SERPINC1: variants seen among roughly 807,000 people sequenced by gnomAD.
The protein encoded by SERPINC1 is serpin family C member 1, also known as antithrombin-III.
Under a neutral mutation model 43.4 loss-of-function variants are expected in SERPINC1, and 12 were observed. That is an observed-to-expected ratio of 0.28 (90% confidence interval 0.18 to 0.45). SERPINC1 has a LOEUF of 0.45. SERPINC1 is among the 20% of genes least tolerant of loss of function. SERPINC1 has a pLI of 1.00. For synonymous variants in SERPINC1, 210 were observed against 218.9 expected (o/e 0.96, Z 0.36); for missense variants, 423 against 578.8 (o/e 0.73, Z 2.76).
intron 6 of SERPINC1, among the ~76,000 whole-genome samples, chr1:173,906,267 G>A (rs1657506505): frequency 6.6e-6 from 1 of 152,210 alleles, no homozygotes; most frequent in Non-Finnish European, 1.5e-5. Flanking sequence ...ATAGTTTAGT[G>A]TTTACTTGAG....
chr1:173,915,330 C>A, intron 1 of SERPINC1: 1 of 298,830 alleles, frequency 3.3e-6, no homozygotes. Context: ...CTGATAGATG[C>A]AGCAGAGAGA....
chr1:173,915,031 G>A, intron 1 of SERPINC1, 112 bp from the exon 2 acceptor site: 1 of 1,537,292 alleles, frequency 6.5e-7, no homozygotes. Flanking sequence ...GTGTGGCCAA[G>A]AGAAAGGCTA....
rs533624461 is a variant in SERPINC1, at chr1:173,905,428, TATCTC to T, written c.1219-1368_1219-1364del. Among the ~76,000 whole-genome samples, 67 of 152,034 alleles carry T rather than the reference TATCTC, an allele frequency of 4.4e-4. 1 individual carries two copies. The highest frequency in any genetic ancestry group is 1.5e-3 in the African/African-American group (64 of 41,342). On this transcript the variant is annotated intron_variant, in intron 6 of 6. Transcript: ENST00000367698. ...CTGCTATCATTTGAGGCAATTAAAA[TATCTC>T]AGTAGGCCGGGCACGGTGGCTCATG... is the stretch of plus-strand genomic sequence containing the variant.
chr1:173,915,814 AACTCCT>A (rs1657965285), intron 1 of SERPINC1, among the ~76,000 whole-genome samples: 1 of 152,200 alleles, frequency 6.6e-6, no homozygotes, highest in African/African-American at 2.4e-5. Flanking sequence ...TTCCACCAGG[AACTCCT>A]ACAAGTTCTT....
chr1:173,910,349 T>C (rs1228564590), intron 4 of SERPINC1, among the ~76,000 whole-genome samples: 3 of 151,848 alleles, frequency 2.0e-5, no homozygotes, highest in South Asian at 2.1e-4. Context: ...GAGGCCGAGG[T>C]GGGCAGATCA....
intron 2 of SERPINC1, among the ~76,000 whole-genome samples, chr1:173,912,442 T>A (rs1418056604): frequency 1.3e-5 from 2 of 151,424 alleles, no homozygotes; most frequent in Non-Finnish European, 2.9e-5. Context: ...AAAGGAAGAG[T>A]GAATCTATCA....
In SERPINC1 at chr1:173,909,597, T is replaced by C. The variant is rs1205385856; in HGVS notation, c.1108A>G (p.Met370Val). Residue 370 changes from methionine to valine, a missense_variant, in exon 5 of 7, where the codon ATG (methionine) becomes GTG (valine). Physicochemically the swap from Met to Val is conservative, Grantham distance 21. Coordinates refer to ENST00000367698, the MANE Select transcript of SERPINC1 (RefSeq NM_000488.4). ...GGGCTGAACAGATCGACAAGGCCCA[T>C]GTCTTGCAGCTGCTCCTTCAAACTG... ...GFSLKEQLQD[M>V]GLVDLFSPEK... is the part of the protein sequence containing the mutation. The C allele has an allele frequency of 6.2e-7, 1 of 1,614,084 alleles. No homozygotes were observed. The highest frequency in any genetic ancestry group is 2.2e-5 in the East Asian group (1 of 44,888).
intron 1 of SERPINC1, among the ~76,000 whole-genome samples, chr1:173,916,661 C>CAGTT (rs1030300472): frequency 1.5e-4 from 23 of 152,336 alleles, no homozygotes; most frequent in African/African-American, 5.0e-4. Context: ...AAAACCAAGA[C>CAGTT]AGTTGTGCCA....
chr1:173,913,328 C>T (rs1657849274), intron 2 of SERPINC1, among the ~76,000 whole-genome samples: 1 of 152,170 alleles, frequency 6.6e-6, no homozygotes, highest in Non-Finnish European at 1.5e-5. Flanking sequence ...GACATTTCAT[C>T]TTATCATGCC....
At chr1:173,912,385 G>A (rs1254677217) in intron 2 of SERPINC1, among the ~76,000 whole-genome samples, 4 of 152,152 alleles carry the variant, frequency 2.6e-5, no homozygotes, top group Non-Finnish European at 4.4e-5. Flanking sequence ...GCATCTACTG[G>A]GGCCAGCTGC....
chr1:173,915,540 G>A (rs1049919494), intron 1 of SERPINC1, among the ~76,000 whole-genome samples: 14 of 152,112 alleles, frequency 9.2e-5, no homozygotes, highest in African/African-American at 3.1e-4. Context: ...GCTGGGTGTG[G>A]TGGCGCACAC....
At chr1:173,916,933 T>C (rs374112876) in intron 1 of SERPINC1, among the ~76,000 whole-genome samples, 1 of 152,188 alleles carries the variant, frequency 6.6e-6, no homozygotes, top group Non-Finnish European at 1.5e-5. Context: ...GAGCGTCCCC[T>C]GGATCCCGTG....
rs373637084 is a variant in SERPINC1 at position 173,913,638 on chromosome 1, C to T, written c.408+915G>A. On this transcript the variant is annotated intron_variant, in intron 2 of 6. Transcript: ENST00000367698. Reference sequence around the variant, plus strand: ...TTGGGAGGCCAAGGCAGGTGGATCACGAGGTCAGGAGTTCAAGACTAGCCT... The same window carrying T: ...TTGGGAGGCCAAGGCAGGTGGATCATGAGGTCAGGAGTTCAAGACTAGCCT... Among the ~76,000 whole-genome samples, 15 of 152,176 alleles carry T rather than the reference C, an allele frequency of 9.9e-5. No homozygotes were observed. The East Asian group carries it at 1.9e-3, about 20-fold the overall frequency.
chr1:173,908,266 G>A (rs1400482204), intron 5 of SERPINC1, among the ~76,000 whole-genome samples: 1 of 151,796 alleles, frequency 6.6e-6, no homozygotes, highest in African/African-American at 2.4e-5. Context: ...AAGGCAGGTA[G>A]ATCGCCTGAG....
Position 173,907,497 on chromosome 1 carries a change from G to A in SERPINC1, c.1171C>T (p.Arg391Ter). ...SKLPGIVAEG[R>*]DDLYVSDAFH... ...GCATCTGAGACATAGAGGTCATCTC[G>A]GCCTTCTGCAACAATACCTGGAAGG... The change falls in exon 6 of 7, where the codon CGA becomes TGA. Residue 391 changes from arginine (R) to a stop codon, truncating the protein, a stop_gained. Transcript: ENST00000367698. LOFTEE classifies it high-confidence loss of function. The A allele has an allele frequency of 1.2e-6, 2 of 1,613,860 alleles. No individual in the cohort carries two copies. Among genetic ancestry groups the A allele is most frequent in the Non-Finnish European group, 1.7e-6 (2 of 1,179,816 alleles).
chr1:173,903,991 C>A lies in SERPINC1; in HGVS notation c.1293G>T (p.Arg431Ser). Residue 431 changes from arginine to serine, a missense_variant, in exon 7 of 7, where the codon AGG becomes AGT. By Grantham distance (110) the Arg-to-Ser change is moderately radical (BLOSUM62 -1). Coordinates refer to ENST00000367698, the MANE Select transcript of SERPINC1 (RefSeq NM_000488.4). ...AAGGCCTGTTGGCCTTGAAAGTCAC[C>A]CTGTTGGGGTTTAGCGAACGGCCAG... ...VIAGRSLNPN[R>S]VTFKANRPFL... is the part of the protein sequence containing the mutation. 6.2e-7 allele frequency: 1 copy of A among 1,614,112 alleles called. No individual in the cohort carries two copies.
chr1:173,915,054 C>G, intron 1 of SERPINC1, 135 bp from the exon 2 acceptor site: 2 of 1,527,468 alleles, frequency 1.3e-6, no homozygotes, highest in Non-Finnish European at 1.7e-6. Context: ...TCCTTTGAAC[C>G]AAGTACAGGG....
At chr1:173,913,232 G>A (rs969793807) in intron 2 of SERPINC1, among the ~76,000 whole-genome samples, 1 of 152,194 alleles carries the variant, frequency 6.6e-6, no homozygotes, top group African/African-American at 2.4e-5. Flanking sequence ...CTGTCATGCA[G>A]CCAAGCCAAG....
In SERPINC1 at chr1:173,910,741, C is replaced by T. The variant is rs758045475; in HGVS notation, c.762+13G>A. ...GGAAGTCCCTGGGGTCTCTCCAGGG[C>T]CATTCTGAGTACCTTGAAGTAAATG... On this transcript the variant is annotated intron_variant, in intron 4 of 6. Transcript: ENST00000367698. The T allele has an allele frequency of 1.2e-6, 2 of 1,613,690 alleles. No homozygotes were observed. The highest frequency in any genetic ancestry group is 2.2e-5 in the East Asian group (1 of 44,878).
Sources: allele counts gnomAD v4.1 joint callset (sites outside exome capture counted in the v4.1 genomes callset), GRCh38; gene constraint gnomAD v4.1.1; transcripts MANE v1.5; gene names NCBI Gene and HGNC (gene_info 2026-07-23, HGNC 2026-07-21).